Variants in RGS6 observed in about 807,000 individuals in gnomAD.
RGS6 encodes regulator of G-protein signaling 6.
In RGS6, 30 loss-of-function variants were observed where a neutral mutation model predicts 78.5. The observed-to-expected ratio is 0.38, with a 90% CI of 0.29 to 0.52. The LOEUF (loss-of-function observed/expected upper bound fraction) is 0.52. RGS6 is among the 20% of genes least tolerant of loss of function. RGS6 has a pLI of 0.85. For missense variants in RGS6, 495 were observed against 609.7 expected, an observed-to-expected ratio of 0.81 and a Z score of 1.98; for synonymous variants, 206 against 206.0, an observed-to-expected ratio of 1.00 and a Z score of 0.00.
chr14:72,155,948 C>T lies in RGS6; in HGVS notation c.84+191073C>T, dbSNP rs114926783. Among the ~76,000 whole-genome samples, 1,390 of 152,342 alleles carry T rather than the reference C, an allele frequency of 9.1e-3. 19 individuals are homozygous for T. The highest frequency in any genetic ancestry group is 0.031 in the African/African-American group (1,308 of 41,572). On this transcript the variant is annotated intron_variant, in intron 2 of 17. Coordinates refer to ENST00000553525, the MANE Select transcript of RGS6 (RefSeq NM_001204424.2). ...CTGGGAAAACGGCCTGGAGCAGTTG[C>T]TCTCAGGCTTGTCTGCAGATTAGAA...
the RGS6 span, chr14:72,594,428 A>C: frequency 6.6e-6 from 1 of 152,224 alleles, no homozygotes; most frequent in Non-Finnish European, 1.5e-5. Flanking sequence ...ACAAATCTTT[A>C]GCTAGCTGAT....
At position 72,346,543 on chromosome 14, in the gene RGS6, A is replaced by G. The variant is rs112865232; in HGVS notation, c.85-5552A>G. Reference sequence around the variant, plus strand: ...GTTCTGTGAGAATCCACCTGGTAAGACAGACAACATGGAGAGGAAGATCTC... The same window carrying G: ...GTTCTGTGAGAATCCACCTGGTAAGGCAGACAACATGGAGAGGAAGATCTC... On this transcript the variant is annotated intron_variant, in intron 2 of 17. Coordinates refer to ENST00000553525, the MANE Select transcript of RGS6 (RefSeq NM_001204424.2). 2.5e-3 allele frequency among the ~76,000 whole-genome samples: 387 copies of G among 152,300 alleles called. 2 individuals are homozygous for G. Among genetic ancestry groups the G allele is most frequent in the African/African-American group, 9.0e-3 (376 of 41,570 alleles).
chr14:72,079,807 C>A (rs1438794234), intron 2 of RGS6, among the ~76,000 whole-genome samples: 2 of 152,114 alleles, frequency 1.3e-5, no homozygotes, highest in African/African-American at 4.8e-5. Context: ...ATGCCTGGTT[C>A]CTTTTTCACT....
intron 2 of RGS6, among the ~76,000 whole-genome samples, chr14:72,001,589 A>G (rs1329261114): frequency 6.6e-6 from 1 of 152,110 alleles, no homozygotes; most frequent in African/African-American, 2.4e-5. Flanking sequence ...TCAGATGGAA[A>G]TGATGTTATC....
At chr14:72,352,220 G>A in intron 3 of RGS6, 26 bp downstream of exon 3, 1 of 1,551,572 alleles carries the variant, frequency 6.4e-7, no homozygotes, top group Non-Finnish European at 8.9e-7. Context: ...CAAGGTGTTG[G>A]TAACAGTCAG....
At chr14:72,373,639 G>A (rs1281541669) in intron 3 of RGS6, among the ~76,000 whole-genome samples, 1 of 152,178 alleles carries the variant, frequency 6.6e-6, no homozygotes, top group African/African-American at 2.4e-5. Flanking sequence ...TGAGTAGGGG[G>A]AGAAGGCTTT....
chr14:71,920,351 C>T, the RGS6 span, among the ~76,000 whole-genome samples: 2 of 152,132 alleles, frequency 1.3e-5, no homozygotes, highest in East Asian at 3.9e-4. Context: ...ATAATCATAT[C>T]ACATATAAAG....
At chr14:71,869,992 A>G in the RGS6 span, among the ~76,000 whole-genome samples, 1 of 152,176 alleles carries the variant, frequency 6.6e-6, no homozygotes, top group African/African-American at 2.4e-5. Context: ...ACTGTGAGCC[A>G]ATACATTTCT....
chr14:71,987,111 G>A (rs1230426217), intron 2 of RGS6, among the ~76,000 whole-genome samples: 4 of 152,148 alleles, frequency 2.6e-5, no homozygotes, highest in South Asian at 2.1e-4. Context: ...TTGGAGGGCC[G>A]TTATTCTACT....
the RGS6 span, among the ~76,000 whole-genome samples, chr14:71,892,541 G>T: frequency 6.6e-6 from 1 of 152,186 alleles, no homozygotes; most frequent in Non-Finnish European, 1.5e-5. Flanking sequence ...GAGTTGTTTT[G>T]TCTCCTATGA....
At chr14:72,095,134 G>A (rs1185611393) in intron 2 of RGS6, among the ~76,000 whole-genome samples, 2 of 152,020 alleles carry the variant, frequency 1.3e-5, no homozygotes, top group Admixed American at 6.6e-5. Flanking sequence ...TGTGGACCAC[G>A]GCATGGTCTG....
chr14:71,980,535 G>T (rs1192778202), intron 2 of RGS6, among the ~76,000 whole-genome samples: 1 of 64,286 alleles, frequency 1.6e-5, no homozygotes, highest in African/African-American at 6.2e-5. Context: ...TAGTTTGGCT[G>T]GATATGAAAT....
chr14:72,178,601 T>C (rs2097135666), intron 2 of RGS6, among the ~76,000 whole-genome samples: 1 of 152,228 alleles, frequency 6.6e-6, no homozygotes, highest in African/African-American at 2.4e-5. Flanking sequence ...TCTTAGCTTG[T>C]TATCTGGTAT....
At chr14:72,331,800 C>T (rs537158415) in intron 2 of RGS6, among the ~76,000 whole-genome samples, 36 of 152,274 alleles carry the variant, frequency 2.4e-4, no homozygotes, top group African/African-American at 7.9e-4. Context: ...AATTCATTTT[C>T]GTAACAAACA....
chr14:72,299,312 T>C lies in RGS6; in HGVS notation c.85-52783T>C, dbSNP rs548342690. Among the ~76,000 whole-genome samples, 68 of 152,348 alleles carry C rather than the reference T, an allele frequency of 4.5e-4. 2 individuals carry two copies. The highest frequency in any genetic ancestry group is 1.6e-3 in the African/African-American group (67 of 41,588). ...AGCCTTAGGCTACCACTCCTCTCTT[T>C]TCAGTCTTTGTAGATTTGCCTATTC... On this transcript the variant is annotated intron_variant, in intron 2 of 17. Transcript: ENST00000553525.
At chr14:72,469,036 G>C (rs763356837) in intron 7 of RGS6, among the ~76,000 whole-genome samples, 1 of 152,012 alleles carries the variant, frequency 6.6e-6, no homozygotes, top group Non-Finnish European at 1.5e-5. Flanking sequence ...TCATTAGGGC[G>C]CCTGTCAAAC....
At chr14:71,887,237 C>A in the RGS6 span, among the ~76,000 whole-genome samples, 2 of 152,114 alleles carry the variant, frequency 1.3e-5, no homozygotes, top group African/African-American at 4.8e-5. Flanking sequence ...TGTACGTCAC[C>A]TCAGGACCAC....
At chr14:72,467,620 C>A (rs1215643008) in intron 7 of RGS6, among the ~76,000 whole-genome samples, 1 of 152,176 alleles carries the variant, frequency 6.6e-6, no homozygotes, top group Non-Finnish European at 1.5e-5. Flanking sequence ...CATTGTGGAC[C>A]TGTGAATGGG....
At chr14:72,423,561 A>C (rs183768418) in intron 3 of RGS6, among the ~76,000 whole-genome samples, 398 of 152,338 alleles carry the variant, frequency 2.6e-3, no homozygotes, top group African/African-American at 9.3e-3. Context: ...TAAGCAAATT[A>C]AAGCAGAGGC....
Sources: gnomAD v4.1 joint callset for allele counts (sites outside exome capture counted in the v4.1 genomes callset) on GRCh38, gnomAD v4.1.1 for gene constraint, MANE v1.5 for transcripts, NCBI Gene and HGNC (gene_info 2026-07-23, HGNC 2026-07-21) for gene names.